The following FHOD3 variants were observed in gnomAD, a reference collection of about 807,000 sequenced individuals.
FHOD3 encodes formin homology 2 domain containing 3, also known as FH1/FH2 domain-containing protein 3.
A neutral mutation model predicts 173.0 loss-of-function variants in FHOD3; 90 were observed. The observed-to-expected ratio is 0.52, with a 90% CI of 0.44 to 0.62. The LOEUF (loss-of-function observed/expected upper bound fraction) is 0.62, where lower values mean the gene tolerates loss of function less well. FHOD3 is among the 20% of genes least tolerant of loss of function. FHOD3 has a pLI of 0.00. For missense variants in FHOD3, 1,945 were observed against 2,034.7 expected (o/e 0.96, Z 0.85); for synonymous variants, 828 against 823.0 (o/e 1.01, Z -0.10).
At chr18:36,462,585 A>C (rs1009044581) in intron 3 of FHOD3, among the ~76,000 whole-genome samples, 2 of 152,016 alleles carry the variant, frequency 1.3e-5, no homozygotes, top group South Asian at 2.1e-4. Context: ...CTGCCTCGGC[A>C]TCCCAAAGTG....
At chr18:36,328,443 C>T (rs1389394171) in intron 1 of FHOD3, among the ~76,000 whole-genome samples, 2 of 152,020 alleles carry the variant, frequency 1.3e-5, no homozygotes, top group Non-Finnish European at 2.9e-5. Flanking sequence ...TCCAGAGTGG[C>T]TGGAGTGCAG....
intron 20 of FHOD3, among the ~76,000 whole-genome samples, chr18:36,731,993 G>A (rs552352043): frequency 6.6e-6 from 1 of 152,312 alleles, no homozygotes; most frequent in Admixed American, 6.5e-5. Flanking sequence ...TTAAGATGAG[G>A]TCATACTGGA....
intron 10 of FHOD3, among the ~76,000 whole-genome samples, chr18:36,644,161 C>G (rs188594481): frequency 3.3e-4 from 51 of 152,264 alleles, no homozygotes; most frequent in African/African-American, 1.2e-3. Flanking sequence ...GGATTTGGAA[C>G]AGGCCTGGGC....
At chr18:36,319,795 C>A (rs560197789) in intron 1 of FHOD3, among the ~76,000 whole-genome samples, 1 of 152,292 alleles carries the variant, frequency 6.6e-6, no homozygotes, top group African/African-American at 2.4e-5. Context: ...GTCTCTCAGA[C>A]CACAGTGCAA....
At chr18:36,457,739 A>T (rs2052306411) in intron 3 of FHOD3, among the ~76,000 whole-genome samples, 1 of 152,084 alleles carries the variant, frequency 6.6e-6, no homozygotes, top group African/African-American at 2.4e-5. Context: ...CTCTTTCTTG[A>T]TTTCTCTGAG....
At chr18:36,523,347 A>G (rs1031801192) in intron 5 of FHOD3, among the ~76,000 whole-genome samples, 4 of 152,234 alleles carry the variant, frequency 2.6e-5, no homozygotes, top group Non-Finnish European at 5.9e-5. Flanking sequence ...GTTAAAAGAC[A>G]GTGGTTTTTG....
At chr18:36,563,388 C>T (rs551160733) in intron 5 of FHOD3, among the ~76,000 whole-genome samples, 106 of 152,280 alleles carry the variant, frequency 7.0e-4, no homozygotes, top group Non-Finnish European at 1.3e-3. Flanking sequence ...CAGGGGCTTT[C>T]GAGTAATGTT....
intron 3 of FHOD3, among the ~76,000 whole-genome samples, chr18:36,388,747 G>A (rs2048150610): frequency 6.6e-6 from 1 of 152,118 alleles, no homozygotes; most frequent in African/African-American, 2.4e-5. Context: ...AAAACCACAA[G>A]CAAAAAACAA....
chr18:36,752,023 C>T (rs2042422613), intron 24 of FHOD3, among the ~76,000 whole-genome samples: 2 of 152,192 alleles, frequency 1.3e-5, no homozygotes, highest in South Asian at 4.1e-4. Context: ...AACTTACAAT[C>T]ACAGTGGAAG....
intron 3 of FHOD3, among the ~76,000 whole-genome samples, chr18:36,474,764 G>A (rs914654293): frequency 6.6e-6 from 1 of 152,082 alleles, no homozygotes; most frequent in Non-Finnish European, 1.5e-5. Flanking sequence ...GAGCTCCTGG[G>A]GCAGGAGCGG....
chr18:36,701,187 T>A (rs1016095594), intron 17 of FHOD3, among the ~76,000 whole-genome samples: 12 of 152,308 alleles, frequency 7.9e-5, no homozygotes, highest in Admixed American at 7.2e-4. Context: ...GACAGCTGTT[T>A]CCTCTCTACC....
chr18:36,437,233 C>T (rs1230348421), intron 3 of FHOD3, among the ~76,000 whole-genome samples: 1 of 151,994 alleles, frequency 6.6e-6, no homozygotes, highest in Non-Finnish European at 1.5e-5. Flanking sequence ...TCCTCCCACC[C>T]AAGCCTCCCA....
chr18:36,643,925 C>T (rs150952522), intron 10 of FHOD3, among the ~76,000 whole-genome samples: 3 of 152,146 alleles, frequency 2.0e-5, no homozygotes, highest in East Asian at 1.9e-4. Context: ...ATGTTTGTAT[C>T]GTGTTTCTGA....
intron 1 of FHOD3, among the ~76,000 whole-genome samples, chr18:36,321,450 GAT>G (rs1758253707): frequency 6.6e-6 from 1 of 152,190 alleles, no homozygotes; most frequent in African/African-American, 2.4e-5. Flanking sequence ...ATGACTTCTG[GAT>G]AATGGGGCTT....
At chr18:36,493,524 C>T (rs74651871) in intron 3 of FHOD3, among the ~76,000 whole-genome samples, 2,003 of 152,242 alleles carry the variant, frequency 0.013, 46 homozygotes, top group African/African-American at 0.045. Flanking sequence ...TGCGTGCTTC[C>T]TGGCTAGGGA....
intron 10 of FHOD3, among the ~76,000 whole-genome samples, chr18:36,637,601 TAC>T (rs767369912): frequency 2.7e-4 from 41 of 152,306 alleles, no homozygotes; most frequent in Non-Finnish European, 5.3e-4. Flanking sequence ...GATCTGAGAA[TAC>T]AGTGGTGAAC....
At chr18:36,682,164 C>T (rs555383523) in intron 15 of FHOD3, among the ~76,000 whole-genome samples, 1 of 152,100 alleles carries the variant, frequency 6.6e-6, no homozygotes, top group Non-Finnish European at 1.5e-5. Flanking sequence ...CCCACTGATC[C>T]CAGTGTGCCT....
chr18:36,588,353 A>G (rs2059108385), intron 6 of FHOD3, among the ~76,000 whole-genome samples: 3 of 152,192 alleles, frequency 2.0e-5, no homozygotes, highest in African/African-American at 7.2e-5. Context: ...CTTTATAGTA[A>G]TACTTGTATA....
intron 5 of FHOD3, among the ~76,000 whole-genome samples, chr18:36,514,157 C>T (rs1046618320): frequency 5.9e-5 from 9 of 151,624 alleles, no homozygotes; most frequent in African/African-American, 9.7e-5. Flanking sequence ...TACAGGCACC[C>T]GCCACCATGC....
Sources: gnomAD v4.1 joint callset for allele counts (sites outside exome capture counted in the v4.1 genomes callset) on GRCh38, gnomAD v4.1.1 for gene constraint, MANE v1.5 for transcripts, NCBI Gene and HGNC (gene_info 2026-07-23, HGNC 2026-07-21) for gene names.